DMD: variants seen among roughly 807,000 people sequenced by gnomAD.
The protein encoded by DMD is mutant dystrophin.
In DMD, 63 loss-of-function variants were observed where a neutral mutation model predicts 330.1. The ratio of observed to expected loss-of-function variants is 0.19; its 90% CI spans 0.16 to 0.24. DMD has a LOEUF of 0.24. Ranked by LOEUF, DMD falls within the 10% of genes least tolerant of loss-of-function variation. The pLI is 1.00. For missense variants in DMD, 3,344 were observed against 2,684.1 expected (o/e 1.25, Z -5.43); for synonymous variants, 1,223 against 959.8 (o/e 1.27, Z -5.07).
At chrX:32,323,236 G>A (rs906503450) in intron 41 of DMD, among the ~76,000 whole-genome samples, 6 of 111,785 alleles carry the variant, frequency 5.4e-5, no homozygotes, top group African/African-American at 1.9e-4. Flanking sequence ...ATAGTTACAT[G>A]CAAACACTAT....
At chrX:32,658,932 A>T (rs1385820792) in intron 9 of DMD, among the ~76,000 whole-genome samples, 2 of 111,991 alleles carry the variant, frequency 1.8e-5, no homozygotes, top group East Asian at 2.8e-4. Flanking sequence ...CTCTTGGTAC[A>T]CACCTGAAAA....
chrX:31,368,520 C>A (rs2059378518), intron 60 of DMD, among the ~76,000 whole-genome samples: 1 of 111,844 alleles, frequency 8.9e-6, no homozygotes, highest in Admixed American at 9.5e-5. Flanking sequence ...CTGTAGCTAC[C>A]TATATCCAGA....
chrX:31,275,244 A>C (rs1481899005), intron 62 of DMD, among the ~76,000 whole-genome samples: 1 of 107,415 alleles, frequency 9.3e-6, no homozygotes, highest in Admixed American at 1.0e-4. Flanking sequence ...TCTTACATTG[A>C]CTCTGTGAGC....
chrX:32,849,551 G>A (rs1261206699), intron 3 of DMD, among the ~76,000 whole-genome samples, 177 bp downstream of exon 3: 1 of 111,098 alleles, frequency 9.0e-6, no homozygotes, highest in Non-Finnish European at 1.9e-5. Flanking sequence ...TACTTTTTCT[G>A]CAGGCGGTAG....
chrX:31,195,356 T>G (rs2042767747), intron 67 of DMD, among the ~76,000 whole-genome samples: 1 of 111,912 alleles, frequency 8.9e-6, no homozygotes, highest in Non-Finnish European at 1.9e-5. Context: ...ATTTTAAATC[T>G]ATGCAAATCC....
chrX:31,383,606 C>T (rs1303332984), intron 60 of DMD, among the ~76,000 whole-genome samples: 1 of 111,939 alleles, frequency 8.9e-6, no homozygotes, highest in East Asian at 2.8e-4. Flanking sequence ...TGTTTTCCTG[C>T]TCAAATGTTG....
chrX:32,616,298 G>C lies in DMD; in HGVS notation c.1332-1845C>G, dbSNP rs375277365. Among the ~76,000 whole-genome samples the C allele has an allele frequency of 9.0e-5, 10 of 111,004 alleles. 1 individual carries two copies. Among genetic ancestry groups the C allele is most frequent in the East Asian group, 5.7e-4 (2 of 3,518 alleles). On this transcript the variant is annotated intron_variant, in intron 11 of 78. Transcript: ENST00000357033. Reference sequence around the variant, plus strand: ...AAAGTCACTATACACAGCCCCTGTGGAGTGGGGAGTTACATTCCCTCTCCG... The same window carrying C: ...AAAGTCACTATACACAGCCCCTGTGCAGTGGGGAGTTACATTCCCTCTCCG...
At chrX:32,719,577 A>T (rs1375258452) in intron 7 of DMD, among the ~76,000 whole-genome samples, 1 of 111,933 alleles carries the variant, frequency 8.9e-6, no homozygotes, top group Non-Finnish European at 1.9e-5. Flanking sequence ...TCCAAATATT[A>T]TAGTAAAATA....
chrX:33,339,128 A>T, intron 1 of DMD: 1 of 745,517 alleles, frequency 1.3e-6, no homozygotes, highest in Non-Finnish European at 1.9e-6. Flanking sequence ...TGTAAAAGCA[A>T]CACTGTTTGC....
chrX:32,416,530 T>C (rs2098166630), intron 29 of DMD, among the ~76,000 whole-genome samples: 1 of 112,037 alleles, frequency 8.9e-6, no homozygotes, highest in South Asian at 3.7e-4. Context: ...ATTTTAGTAG[T>C]AAATGAACTA....
intron 44 of DMD, among the ~76,000 whole-genome samples, chrX:32,063,774 C>T (rs189678288): frequency 4.0e-3 from 444 of 110,426 alleles, no homozygotes; most frequent in Non-Finnish European, 6.2e-3. Flanking sequence ...ATACAAAGAT[C>T]GCGGATATTA....
chrX:33,045,046 T>C (rs941924561), intron 1 of DMD, among the ~76,000 whole-genome samples: 1 of 110,974 alleles, frequency 9.0e-6, no homozygotes, highest in Non-Finnish European at 1.9e-5. Flanking sequence ...ATTGTTGATA[T>C]GCTAAATAAA....
At chrX:33,077,311 C>T (rs980175567) in intron 1 of DMD, among the ~76,000 whole-genome samples, 2 of 111,538 alleles carry the variant, frequency 1.8e-5, no homozygotes, top group African/African-American at 6.5e-5. Context: ...GTTAGTTCAG[C>T]CTATGCCCAG....
chrX:32,547,400 A>G (rs142892002), intron 16 of DMD, among the ~76,000 whole-genome samples: 2,540 of 111,371 alleles, frequency 0.023, 33 homozygotes, highest in Middle Eastern at 0.065. Context: ...TTTAAGAAAG[A>G]AAAATGAATC....
At chrX:32,261,465 G>A (rs190515100) in intron 43 of DMD, among the ~76,000 whole-genome samples, 3 of 111,993 alleles carry the variant, frequency 2.7e-5, no homozygotes, top group Non-Finnish European at 5.6e-5. Context: ...GACAACACAT[G>A]TTTTAATCTG....
intron 3 of DMD, among the ~76,000 whole-genome samples, chrX:32,846,723 TAAAAAA>T (rs10564725): frequency 1.3e-4 from 7 of 53,587 alleles, no homozygotes; most frequent in Admixed American, 2.5e-4. Flanking sequence ...ACTTTAGATT[TAAAAAA>T]AAAAAAAAAA....
chrX:32,386,118 G>A (rs1444114731), intron 33 of DMD, among the ~76,000 whole-genome samples, 192 bp downstream of exon 33: 1 of 109,667 alleles, frequency 9.1e-6, no homozygotes, highest in Non-Finnish European at 1.9e-5. Context: ...ATGTGTATAT[G>A]TTTATCTTTG....
At position 31,576,958 on chromosome X, in the gene DMD, G is replaced by A. The variant is rs371403507; in HGVS notation, c.8217+50715C>T. On this transcript the variant is annotated intron_variant, in intron 55 of 78. Coordinates refer to ENST00000357033, the MANE Select transcript of DMD (RefSeq NM_004006.3). ...TGTCGATCTCCTGACCTCGTGATCC[G>A]CCCGCCTCGGCCTCCCAAAGTGCTG... 4.5e-5 allele frequency among the ~76,000 whole-genome samples: 5 copies of A among 109,893 alleles called. 1 individual carries two copies. Among genetic ancestry groups the A allele is most frequent in the African/African-American group, 6.6e-5 (2 of 30,244 alleles).
rs1413943466 is a variant in DMD at position 31,679,134 on chromosome X, A to G, written c.7872+241T>C. Reference sequence around the variant, plus strand: ...CTACTAGGGAGGCTGAGGCAGGAGGACTGCTTGAGCCCCAGAGTTCAAGGC... The same window carrying G: ...CTACTAGGGAGGCTGAGGCAGGAGGGCTGCTTGAGCCCCAGAGTTCAAGGC... On this transcript the variant is annotated intron_variant, in intron 53 of 78. Coordinates refer to ENST00000357033, the MANE Select transcript of DMD (RefSeq NM_004006.3). Among the ~76,000 whole-genome samples, 9 of 111,136 alleles carry G rather than the reference A, an allele frequency of 8.1e-5. No homozygotes were observed. In the East Asian group the frequency reaches 2.3e-3, roughly 28 times the overall value.
Sources: gnomAD v4.1 joint callset for allele counts (sites outside exome capture counted in the v4.1 genomes callset) on GRCh38, gnomAD v4.1.1 for gene constraint, MANE v1.5 for transcripts, NCBI Gene and HGNC (gene_info 2026-07-23, HGNC 2026-07-21) for gene names.